Variants in PTPRD observed in about 807,000 individuals in gnomAD.
The protein encoded by PTPRD is receptor-type tyrosine-protein phosphatase delta.
In PTPRD, 34 loss-of-function variants were observed where a neutral mutation model predicts 214.5. The ratio of observed to expected loss-of-function variants is 0.16; its 90% confidence interval spans 0.12 to 0.21. The LOEUF (loss-of-function observed/expected upper bound fraction) is 0.21, where lower values mean the gene tolerates loss of function less well. Among genes scored for constraint, PTPRD ranks in the 10% least tolerant of loss-of-function variants. PTPRD has a pLI of 1.00. For missense variants in PTPRD, 2,545 were observed against 2,398.7 expected, an observed-to-expected ratio of 1.06 and a Z score of -1.27; for synonymous variants, 1,128 against 845.7, an observed-to-expected ratio of 1.33 and a Z score of -5.79.
At chr9:10,449,667 G>C (rs1476182628) in intron 2 of PTPRD, among the ~76,000 whole-genome samples, 2 of 151,636 alleles carry the variant, frequency 1.3e-5, no homozygotes, top group African/African-American at 2.4e-5. Flanking sequence ...GGGATGTGAG[G>C]AGCGCCTCTG....
At chr9:8,643,153 A>G (rs1426708308) in intron 12 of PTPRD, among the ~76,000 whole-genome samples, 1 of 152,212 alleles carries the variant, frequency 6.6e-6, no homozygotes, top group Non-Finnish European at 1.5e-5. Flanking sequence ...ACCACCTGTT[A>G]GTTTTAAAAT....
chr9:8,815,781 T>C (rs1412303985), intron 11 of PTPRD, among the ~76,000 whole-genome samples: 3 of 152,198 alleles, frequency 2.0e-5, no homozygotes, highest in Non-Finnish European at 1.5e-5. Context: ...TTGGAATATC[T>C]GATTCCAAGG....
chr9:9,349,242 T>C (rs1429801216), intron 9 of PTPRD, among the ~76,000 whole-genome samples: 1 of 152,100 alleles, frequency 6.6e-6, no homozygotes, highest in Non-Finnish European at 1.5e-5. Context: ...TAACATAGAA[T>C]GGCAAGAAAC....
At chr9:10,227,166 C>T (rs898899963) in intron 3 of PTPRD, among the ~76,000 whole-genome samples, 5 of 151,904 alleles carry the variant, frequency 3.3e-5, no homozygotes, top group African/African-American at 1.2e-4. Flanking sequence ...GTATTTTTCA[C>T]GTGGCCATGA....
chr9:9,575,713 GTC>G (rs2088309230), intron 7 of PTPRD, among the ~76,000 whole-genome samples: 2 of 35,832 alleles, frequency 5.6e-5, no homozygotes, highest in African/African-American at 2.3e-4. Context: ...GAGCAAGACT[GTC>G]TCAAAAAAAA....
chr9:9,781,795 A>ATTTTTT (rs142718064), intron 5 of PTPRD, among the ~76,000 whole-genome samples: 1 of 147,282 alleles, frequency 6.8e-6, no homozygotes. Flanking sequence ...GTCTGGACTC[A>ATTTTTT]TATTTTTTTT....
intron 29 of PTPRD, among the ~76,000 whole-genome samples, chr9:8,484,639 CTT>C (rs1491356692): frequency 8.2e-6 from 1 of 121,218 alleles, no homozygotes; most frequent in Non-Finnish European, 1.7e-5. Flanking sequence ...TAGAAAATAA[CTT>C]ATCAATATTA....
intron 34 of PTPRD, among the ~76,000 whole-genome samples, chr9:8,444,909 C>T (rs1161796372): frequency 6.6e-6 from 1 of 152,150 alleles, no homozygotes; most frequent in Non-Finnish European, 1.5e-5. Context: ...CTAGTGCGCA[C>T]CCAGTTACTG....
chr9:10,598,701 TGTG>T (rs146413918), intron 2 of PTPRD, among the ~76,000 whole-genome samples: 9 of 88,126 alleles, frequency 1.0e-4, no homozygotes, highest in East Asian at 9.7e-4. Context: ...TGTGTGTGTG[TGTG>T]GTGTGTGGTG....
At chr9:8,788,253 A>ATTTTTTTT (rs776984034) in intron 11 of PTPRD, among the ~76,000 whole-genome samples, 8 of 85,262 alleles carry the variant, frequency 9.4e-5, no homozygotes, top group Admixed American at 1.5e-4. Context: ...ATATAAGATG[A>ATTTTTTTT]TTTTTTTTTT....
At chr9:9,350,008 T>C (rs2050492738) in intron 9 of PTPRD, among the ~76,000 whole-genome samples, 1 of 152,066 alleles carries the variant, frequency 6.6e-6, no homozygotes. Flanking sequence ...TGAAACTCCT[T>C]TTTCTGAAAG....
intron 8 of PTPRD, among the ~76,000 whole-genome samples, chr9:9,489,277 C>T (rs1358397006): frequency 6.6e-6 from 1 of 151,994 alleles, no homozygotes; most frequent in Non-Finnish European, 1.5e-5. Context: ...ACGAACATTC[C>T]AAAAAATAGC....
rs115573565 is a variant in PTPRD, at chr9:10,316,886, T to C, written c.-545+24077A>G. On this transcript the variant is annotated intron_variant, in intron 3 of 45. Coordinates refer to ENST00000381196, the MANE Select transcript of PTPRD (RefSeq NM_002839.4). ...AATAAGAAGCTAACAATTTACACTG[T>C]AGGCTGAGTGTTTTAACTATAGATT... 4.1e-3 allele frequency among the ~76,000 whole-genome samples: 628 copies of C among 152,054 alleles called. 8 individuals are homozygous for C. Among genetic ancestry groups the C allele is most frequent in the African/African-American group, 0.014 (590 of 41,530 alleles).
At chr9:10,250,090 A>G (rs2092628507) in intron 3 of PTPRD, among the ~76,000 whole-genome samples, 1 of 152,148 alleles carries the variant, frequency 6.6e-6, no homozygotes, top group Admixed American at 6.6e-5. Context: ...TTCATATTCT[A>G]TTTAAATCAA....
Position 9,318,143 on chromosome 9 carries a change from C to T in PTPRD, c.-203+79306G>A, listed in dbSNP as rs1468501431. On this transcript the variant is annotated intron_variant, in intron 9 of 45. Coordinates refer to ENST00000381196, the MANE Select transcript of PTPRD (RefSeq NM_002839.4). ...CCGAGATCGTGCCATTGCACTCCAG[C>T]CTGGGCAACAAGAGTGAAAACTCCA... Among the ~76,000 whole-genome samples the T allele has an allele frequency of 4.6e-5, 7 of 151,494 alleles. No individual in the cohort carries two copies. In the East Asian group the frequency reaches 1.4e-3, roughly 30 times the overall value.
chr9:9,995,194 AT>A (rs1350999890), intron 4 of PTPRD, among the ~76,000 whole-genome samples: 3 of 152,138 alleles, frequency 2.0e-5, no homozygotes, highest in Non-Finnish European at 4.4e-5. Context: ...CTCCAGAAAA[AT>A]TTAAAGACCA....
chr9:10,514,527 T>C (rs2049358855), intron 2 of PTPRD, among the ~76,000 whole-genome samples: 1 of 151,838 alleles, frequency 6.6e-6, no homozygotes, highest in Non-Finnish European at 1.5e-5. Flanking sequence ...GAATATTTTT[T>C]ATTTTATTGC....
chr9:10,285,987 T>C lies in PTPRD; in HGVS notation c.-545+54976A>G, dbSNP rs2181575. On this transcript the variant is annotated intron_variant, in intron 3 of 45. Coordinates refer to ENST00000381196, the MANE Select transcript of PTPRD (RefSeq NM_002839.4). Reference sequence around the variant, plus strand: ...AGGATTATGTAGAAGATTAACTTTTTAGTTATATTTGTTTCTATACACTGA... The same window carrying C: ...AGGATTATGTAGAAGATTAACTTTTCAGTTATATTTGTTTCTATACACTGA... Among the ~76,000 whole-genome samples, 1,889 of 152,276 alleles carry C rather than the reference T, an allele frequency of 0.012. 112 individuals carry two copies. The East Asian group carries it at 0.17, about 14-fold the overall frequency.
intron 8 of PTPRD, chr9:9,441,917 C>G (rs185377578): frequency 6.6e-6 from 1 of 152,214 alleles, no homozygotes; most frequent in Non-Finnish European, 1.5e-5. Context: ...CAGGGGTGTT[C>G]TCCTTTGCTT....
Sources: allele counts gnomAD v4.1 joint callset (sites outside exome capture counted in the v4.1 genomes callset), GRCh38; gene constraint gnomAD v4.1.1; transcripts MANE v1.5; gene names NCBI Gene and HGNC (gene_info 2026-07-23, HGNC 2026-07-21).